The following PSMD9 variants were observed in gnomAD, a reference collection of about 807,000 sequenced individuals.
PSMD9 encodes the protein proteasome 26S subunit, non-ATPase 9.
A neutral mutation model predicts 25.9 loss-of-function variants in PSMD9; 26 were observed. The observed-to-expected ratio is 1.00, with a 90% confidence interval of 0.73 to 1.39. The LOEUF is 1.39. Among genes scored for constraint, PSMD9 ranks in the 40% most tolerant of loss-of-function variants. The pLI, the probability that PSMD9 is intolerant of heterozygous loss-of-function variation, is 0.00. For missense variants in PSMD9, 303 were observed against 299.3 expected, an observed-to-expected ratio of 1.01 and a Z score of -0.09; for synonymous variants, 110 against 114.5, an observed-to-expected ratio of 0.96 and a Z score of 0.25.
chr12:121,894,866 T>G, intron 2 of PSMD9, 25 bp downstream of exon 2: 1 of 1,594,856 alleles, frequency 6.3e-7, no homozygotes, highest in Non-Finnish European at 8.6e-7. Flanking sequence ...TAGAAGACTT[T>G]CCCCACCTTG....
intron 4 of PSMD9, 133 bp downstream of exon 4, chr12:121,903,240 A>G (rs1879453374): frequency 1.3e-6 from 1 of 789,596 alleles, no homozygotes; most frequent in Non-Finnish European, 2.1e-6. Context: ...TCCAGGCACC[A>G]GCCAATTTGG....
At chr12:121,908,068 T>G (rs1413092517) in intron 4 of PSMD9, 1 of 152,088 alleles carries the variant, frequency 6.6e-6, no homozygotes, top group African/African-American at 2.4e-5. Flanking sequence ...ATCCTTAAAA[T>G]CACATAGTGC....
intron 4 of PSMD9, chr12:121,914,248 A>T (rs1879826287): frequency 6.6e-6 from 1 of 151,986 alleles, no homozygotes; most frequent in Non-Finnish European, 1.5e-5. Context: ...TTAATTTTTT[A>T]AATTAAAGTA....
chr12:121,904,801 G>A (rs1879506903), intron 4 of PSMD9, among the ~76,000 whole-genome samples: 1 of 150,442 alleles, frequency 6.6e-6, no homozygotes, highest in African/African-American at 2.5e-5. Flanking sequence ...GGGATTACAG[G>A]CGCCCACCAC....
chr12:121,904,639 T>TTTATTATTA (rs71082909), intron 4 of PSMD9, among the ~76,000 whole-genome samples: 3,500 of 138,912 alleles, frequency 0.025, 97 homozygotes, highest in South Asian at 0.089. Context: ...CCATCTGAAA[T>TTTATTATTA]TTATTATTAT....
intron 4 of PSMD9, chr12:121,914,195 T>A (rs910441954): frequency 6.6e-6 from 1 of 152,116 alleles, no homozygotes; most frequent in Non-Finnish European, 1.5e-5. Flanking sequence ...ATATCGTATT[T>A]TAATTTGTAA....
At chr12:121,891,321 C>T (rs1298518041) in intron 1 of PSMD9, among the ~76,000 whole-genome samples, 1 of 127,328 alleles carries the variant, frequency 7.9e-6, no homozygotes, top group Admixed American at 8.5e-5. Flanking sequence ...AAAAAAAAGG[C>T]CGGGTGCGGT....
intron 4 of PSMD9, among the ~76,000 whole-genome samples, chr12:121,908,442 G>T (rs1879624251): frequency 6.6e-6 from 1 of 152,168 alleles, no homozygotes; most frequent in African/African-American, 2.4e-5. Context: ...GCCTCCCAAA[G>T]TGCTGAGATT....
chr12:121,889,672 C>CT (rs1365483735), intron 1 of PSMD9, among the ~76,000 whole-genome samples: 1 of 152,156 alleles, frequency 6.6e-6, no homozygotes, highest in Non-Finnish European at 1.5e-5. Flanking sequence ...AAGGACCGAA[C>CT]TTTGAGTTAC....
chr12:121,918,146 G>C lies in PSMD9; in HGVS notation c.*1835G>C, dbSNP rs1565898227. The C allele has an allele frequency of 6.6e-6, 1 of 152,230 alleles. No homozygotes were observed. The highest frequency in any genetic ancestry group is 1.5e-5 in the Non-Finnish European group (1 of 68,050). 9.4% of individuals were successfully genotyped at this position (152,230 alleles called of 1,614,324 possible). The stretch of plus-strand genomic sequence containing the variant: ...GTTTTGCGGAAACGCTTTGTGCTGA[G>C]AACCGCAAGCTGGTGCACCCTGTGT... On this transcript the variant is annotated 3_prime_UTR_variant, in exon 6 of 6. Transcript: ENST00000541212. This position sits in a 1 kb window ranked among gnomAD's most constrained non-coding sequence, Gnocchi z 4.3.
chr12:121,912,006 C>CTTATTTATTTATTTATTTATTTAT (rs71453586), intron 4 of PSMD9, among the ~76,000 whole-genome samples: 1 of 136,532 alleles, frequency 7.3e-6, no homozygotes, highest in Non-Finnish European at 1.6e-5. Flanking sequence ...AATGAGCTTG[C>CTTATTTATTTATTTATTTATTTAT]TTATTTATTT....
chr12:121,910,165 A>T (rs557740235), intron 4 of PSMD9, among the ~76,000 whole-genome samples: 21 of 131,414 alleles, frequency 1.6e-4, no homozygotes, highest in African/African-American at 6.2e-4. Flanking sequence ...AGCTCACTGC[A>T]GCCTCCGCCT....
At chr12:121,892,234 T>C (rs1409200783) in intron 1 of PSMD9, among the ~76,000 whole-genome samples, 1 of 152,118 alleles carries the variant, frequency 6.6e-6, no homozygotes, top group Admixed American at 6.6e-5. Context: ...GGAAAGGATC[T>C]GAATAAACAT....
intron 4 of PSMD9, among the ~76,000 whole-genome samples, chr12:121,913,403 T>G (rs1879796890): frequency 6.6e-6 from 1 of 152,042 alleles, no homozygotes; most frequent in South Asian, 2.1e-4. Context: ...TAATCAGATT[T>G]TTTTGTTGAT....
At chr12:121,914,115 A>C (rs1879821744) in intron 4 of PSMD9, 3 of 149,902 alleles carry the variant, frequency 2.0e-5, no homozygotes, top group East Asian at 2.0e-4. Flanking sequence ...CTGGTCTTCA[A>C]CTCCTGGGCT....
In PSMD9 at chr12:121,895,265, C is replaced by G. The variant is rs1035403236; in HGVS notation, c.241+424C>G. Among the ~76,000 whole-genome samples, 4 of 152,226 alleles carry G rather than the reference C, an allele frequency of 2.6e-5. No individual in the cohort carries two copies. In the South Asian group the frequency reaches 8.3e-4, roughly 32 times the overall value. ...AAGTGGCCCAGGTGAGTCTTGAACT[C>G]CTGGACTCAAGTGGTCCTCCTGCCT... On this transcript the variant is annotated intron_variant, in intron 2 of 5. Transcript: ENST00000541212.
intron 3 of PSMD9, 146 bp downstream of exon 3, chr12:121,899,991 G>A: frequency 2.1e-6 from 2 of 958,736 alleles, no homozygotes; most frequent in Non-Finnish European, 3.2e-6. Flanking sequence ...ACTGAGGCCT[G>A]TCGTGTATCC....
At chr12:121,900,948 A>G (rs1485007133) in intron 3 of PSMD9, among the ~76,000 whole-genome samples, 2 of 148,558 alleles carry the variant, frequency 1.3e-5, no homozygotes, top group African/African-American at 2.5e-5. Context: ...TCGTGCCACT[A>G]CACTCCAGAG....
chr12:121,902,720 C>T, intron 3 of PSMD9: 1 of 350,574 alleles, frequency 2.9e-6, no homozygotes. Context: ...CTTTCCCATG[C>T]TCCTCAAGGC....
Sources: gnomAD v4.1 joint callset for allele counts (sites outside exome capture counted in the v4.1 genomes callset) on GRCh38, gnomAD v4.1.1 for gene constraint, Gnocchi (gnomAD v3.1) non-coding constraint, MANE v1.5 for transcripts, NCBI Gene and HGNC (gene_info 2026-07-23, HGNC 2026-07-21) for gene names.